The following TNNT2 variants were observed in gnomAD, a reference collection of about 807,000 sequenced individuals.
The protein encoded by TNNT2 is troponin T2, cardiac type.
Under a neutral mutation model 62.4 loss-of-function variants are expected in TNNT2, and 34 were observed. That is an observed-to-expected ratio of 0.54 (90% CI 0.41 to 0.72). The LOEUF is 0.72. Among genes scored for constraint, TNNT2 ranks in the 30% least tolerant of loss-of-function variants. The pLI, the probability that TNNT2 is intolerant of heterozygous loss-of-function variation, is 0.00. For synonymous variants in TNNT2, 123 were observed against 127.2 expected (o/e 0.97, Z 0.22); for missense variants, 275 against 381.9 (o/e 0.72, Z 2.33).
intron 4 of TNNT2, among the ~76,000 whole-genome samples, chr1:201,370,418 C>T (rs1660445041): frequency 6.6e-6 from 1 of 152,162 alleles, no homozygotes; most frequent in African/African-American, 2.4e-5. Flanking sequence ...TGGGAGGATG[C>T]TGCCCCATCT....
intron 7 of TNNT2, 61 bp downstream of exon 7, chr1:201,367,710 C>T (rs1659908451): frequency 1.9e-6 from 3 of 1,579,944 alleles, no homozygotes; most frequent in African/African-American, 1.3e-5. Flanking sequence ...GGGCATTCTC[C>T]TCCAAAGCTG....
At chr1:201,366,999 TG>T in intron 7 of TNNT2, 128 bp from the exon 8 acceptor site, 1 of 1,494,272 alleles carries the variant, frequency 6.7e-7, no homozygotes. Flanking sequence ...CTCCCGGCAC[TG>T]GGGAGCCCTG....
chr1:201,363,560 C>A, intron 11 of TNNT2, 154 bp from the exon 12 acceptor site: 1 of 667,056 alleles, frequency 1.5e-6, no homozygotes, highest in Non-Finnish European at 2.7e-6. Flanking sequence ...CAGTGCTGGC[C>A]CACAGGAGTC....
chr1:201,366,995 G>T, intron 7 of TNNT2, 124 bp from the exon 8 acceptor site: 2 of 1,512,716 alleles, frequency 1.3e-6, no homozygotes, highest in Non-Finnish European at 1.8e-6. Context: ...GTCCCTCCCG[G>T]CACTGGGGAG....
intron 5 of TNNT2, 115 bp from the exon 6 acceptor site, chr1:201,368,342 C>T (rs758399522): frequency 1.8e-6 from 2 of 1,115,654 alleles, no homozygotes; most frequent in Non-Finnish European, 2.7e-6. Flanking sequence ...ACGTCTAGGT[C>T]CAGATGAATT....
chr1:201,368,368 T>A, intron 5 of TNNT2, 141 bp from the exon 6 acceptor site: 1 of 822,408 alleles, frequency 1.2e-6, no homozygotes, highest in Admixed American at 2.0e-5. Flanking sequence ...GCAACCAACG[T>A]GCTGGGGGGC....
chr1:201,368,484 C>A (rs1571651765), intron 5 of TNNT2: 2 of 579,652 alleles, frequency 3.5e-6, no homozygotes, highest in East Asian at 8.0e-5. Context: ...CCCCAACTTT[C>A]CAGCCCAGAA....
intron 8 of TNNT2, chr1:201,365,935 G>A: frequency 7.6e-7 from 1 of 1,312,370 alleles, no homozygotes; most frequent in South Asian, 1.6e-5. Flanking sequence ...TCTCACTTAG[G>A]AGAACTGAGG....
In TNNT2 at chr1:201,359,019, G is replaced by A. The variant is rs962933712; in HGVS notation, c.*191C>T. ...GGACGTGACAGAAATGCCAGTCAGT[G>A]TGTGGTGGCTTTTTATTACTGGTGT... On this transcript the variant is annotated 3_prime_UTR_variant, in exon 17 of 17. Coordinates refer to ENST00000656932, the MANE Select transcript of TNNT2 (RefSeq NM_001276345.2). 1.5e-6 allele frequency: 1 copy of A among 681,402 alleles called. No homozygotes were observed. The highest frequency in any genetic ancestry group is 1.8e-5 in the African/African-American group (1 of 56,440). 42.2% of individuals were successfully genotyped at this position (681,402 alleles called of 1,614,324 possible). A position where few individuals can be genotyped will look rare whatever the true frequency, so the allele number is the denominator to read the frequency against.
At chr1:201,367,410 C>T (rs1659859306) in intron 7 of TNNT2, 1 of 447,546 alleles carries the variant, frequency 2.2e-6, no homozygotes. Context: ...CCCACCATGA[C>T]CATCTATGCA....
chr1:201,362,483 AG>A, intron 12 of TNNT2, 89 bp from the exon 13 acceptor site: 1 of 1,505,718 alleles, frequency 6.6e-7, no homozygotes, highest in Non-Finnish European at 9.2e-7. Flanking sequence ...GACAAAGGCA[AG>A]GAGAGACATG....
Position 201,359,182 on chromosome 1 carries a change from G to C in TNNT2, c.*28C>G, listed in dbSNP as rs201271311. On this transcript the variant is annotated 3_prime_UTR_variant, in exon 17 of 17. Transcript: ENST00000656932. ...GGCCGGAGGCAGGTGCGAGCGAGGAGCAGATCTTTGGTGAAGGAGGCCAGG... is the reference window on the plus strand; with the variant it reads ...GGCCGGAGGCAGGTGCGAGCGAGGACCAGATCTTTGGTGAAGGAGGCCAGG... 2 of 1,604,092 alleles carry C rather than the reference G, an allele frequency of 1.2e-6. No individual in the cohort carries two copies. The highest frequency in any genetic ancestry group is 3.4e-5 in the Admixed American group (2 of 58,316).
In TNNT2 at chr1:201,368,245, A is replaced by G; in HGVS notation, c.98-18T>C. 6.2e-7 allele frequency: 1 copy of G among 1,613,864 alleles called. No individual in the cohort carries two copies. Among genetic ancestry groups the G allele is most frequent in the Non-Finnish European group, 8.5e-7 (1 of 1,179,858 alleles). On this transcript the variant is annotated intron_variant, in intron 5 of 16. Transcript: ENST00000656932. ...CTCCTGCTCTGGAGAAGTGAAGCAG[A>G]CAGAGTGAAGAAGCAGGCCCCACTC... is the stretch of plus-strand genomic sequence containing the variant.
chr1:201,359,359 G>A (rs1658166305), intron 16 of TNNT2, 104 bp from the exon 17 acceptor site: 1 of 1,421,404 alleles, frequency 7.0e-7, no homozygotes, highest in East Asian at 2.4e-5. Flanking sequence ...GGAGCAGGCT[G>A]GAGCTGCCTC....
chr1:201,364,461 G>A (rs370039142), intron 10 of TNNT2, 86 bp from the exon 11 acceptor site: 1 of 1,389,244 alleles, frequency 7.2e-7, no homozygotes, highest in Non-Finnish European at 1.0e-6. Flanking sequence ...GGTGGCAAGG[G>A]AATTCCTGGG....
chr1:201,363,564 A>G (rs1571616628), intron 11 of TNNT2, 158 bp from the exon 12 acceptor site: 2 of 669,814 alleles, frequency 3.0e-6, no homozygotes, highest in Admixed American at 2.3e-5. Context: ...GCTGGCCCAC[A>G]GGAGTCCACT....
intron 4 of TNNT2, 71 bp from the exon 5 acceptor site, chr1:201,369,916 G>C: frequency 6.4e-7 from 1 of 1,572,396 alleles, no homozygotes; most frequent in South Asian, 1.1e-5. Context: ...GAGAGCCCGC[G>C]GCAGGAGCAG....
chr1:201,373,122 G>C (rs1454010513), intron 2 of TNNT2, 92 bp downstream of exon 2: 5 of 1,307,708 alleles, frequency 3.8e-6, no homozygotes, highest in Non-Finnish European at 5.6e-6. Context: ...CTTCTACCCA[G>C]AATCCGAGGG....
intron 5 of TNNT2, 149 bp from the exon 6 acceptor site, chr1:201,368,376 G>A (rs1442719173): frequency 1.3e-6 from 1 of 798,286 alleles, no homozygotes; most frequent in African/African-American, 1.7e-5. Context: ...CGTGCTGGGG[G>A]GCTGCCATTC....
Sources: gnomAD v4.1 joint callset for allele counts (sites outside exome capture counted in the v4.1 genomes callset) on GRCh38, gnomAD v4.1.1 for gene constraint, MANE v1.5 for transcripts, NCBI Gene and HGNC (gene_info 2026-07-23, HGNC 2026-07-21) for gene names.